FSTL5: variants seen among roughly 807,000 people sequenced by gnomAD.
FSTL5 encodes the protein follistatin like 5.
FSTL5 carries 62 observed loss-of-function variants against 89.1 expected under a neutral mutation model. The ratio of observed to expected loss-of-function variants is 0.70; its 90% CI spans 0.57 to 0.86. The LOEUF (loss-of-function observed/expected upper bound fraction) is 0.86, where lower values mean the gene tolerates loss of function less well. Ranked by LOEUF, FSTL5 falls within the 40% of genes least tolerant of loss-of-function variation. FSTL5 has a pLI of 0.00. For synonymous variants in FSTL5, 383 were observed against 346.2 expected, an observed-to-expected ratio of 1.11 and a Z score of -1.18; for missense variants, 1,057 against 1,001.6, an observed-to-expected ratio of 1.06 and a Z score of -0.75.
intron 4 of FSTL5, among the ~76,000 whole-genome samples, chr4:161,792,170 G>T (rs1417871895): frequency 6.6e-6 from 1 of 152,148 alleles, no homozygotes; most frequent in African/African-American, 2.4e-5. Context: ...GTTGAGCCGA[G>T]CCCAGGCACT....
At chr4:161,947,313 T>C (rs900664324) in intron 3 of FSTL5, among the ~76,000 whole-genome samples, 4 of 127,454 alleles carry the variant, frequency 3.1e-5, no homozygotes, top group Non-Finnish European at 6.9e-5. Context: ...AAGATTTCTC[T>C]GCCTATTTCA....
intron 8 of FSTL5, among the ~76,000 whole-genome samples, chr4:161,576,543 C>A (rs2126593232): frequency 6.6e-6 from 1 of 152,260 alleles, no homozygotes; most frequent in South Asian, 2.1e-4. Context: ...TGATCTTCGA[C>A]AAACCTGACA....
intron 4 of FSTL5, among the ~76,000 whole-genome samples, chr4:161,823,687 G>A (rs766364298): frequency 2.2e-4 from 33 of 152,180 alleles, no homozygotes; most frequent in Non-Finnish European, 5.9e-5. Context: ...GGTAGGGGCA[G>A]GGCTACCACA....
chr4:162,130,347 T>C (rs1305527004), intron 1 of FSTL5, among the ~76,000 whole-genome samples: 1 of 152,034 alleles, frequency 6.6e-6, no homozygotes, highest in Non-Finnish European at 1.5e-5. Context: ...GAAAATTGCA[T>C]ATAGTCTTTT....
chr4:161,585,192 A>C (rs1341704074), intron 8 of FSTL5, among the ~76,000 whole-genome samples: 2 of 152,326 alleles, frequency 1.3e-5, no homozygotes, highest in Admixed American at 6.5e-5. Context: ...AGTTTGGCTC[A>C]AAGTCTCCTT....
At chr4:161,757,723 A>C (rs1421326172) in intron 6 of FSTL5, among the ~76,000 whole-genome samples, 1 of 152,014 alleles carries the variant, frequency 6.6e-6, no homozygotes, top group Non-Finnish European at 1.5e-5. Flanking sequence ...GGTTCAACCG[A>C]TTCTCCTGCC....
intron 2 of FSTL5, chr4:162,047,234 G>A (rs1738215885): frequency 6.6e-6 from 1 of 152,100 alleles, no homozygotes; most frequent in African/African-American, 2.4e-5. Context: ...AGAATTGGTT[G>A]TAGATCTATG....
chr4:161,688,796 A>G (rs1737827938), intron 6 of FSTL5, among the ~76,000 whole-genome samples: 1 of 152,164 alleles, frequency 6.6e-6, no homozygotes, highest in Admixed American at 6.5e-5. Flanking sequence ...GCCAGAATCA[A>G]GACTACTACT....
At chr4:161,671,775 A>G (rs1737123243) in intron 6 of FSTL5, among the ~76,000 whole-genome samples, 1 of 152,150 alleles carries the variant, frequency 6.6e-6, no homozygotes, top group African/African-American at 2.4e-5. Context: ...ATCCAAAACA[A>G]CATGAAAGTA....
At chr4:162,071,966 C>T (rs753324438) in intron 2 of FSTL5, among the ~76,000 whole-genome samples, 6 of 151,644 alleles carry the variant, frequency 4.0e-5, no homozygotes, top group African/African-American at 7.3e-5. Context: ...TTAACACAAA[C>T]ATTAGGTGCT....
chr4:161,556,393 G>A (rs1732393920), intron 8 of FSTL5, among the ~76,000 whole-genome samples: 1 of 151,446 alleles, frequency 6.6e-6, no homozygotes, highest in Non-Finnish European at 1.5e-5. Flanking sequence ...CACCGTTTGT[G>A]TAAGAAACAG....
intron 7 of FSTL5, among the ~76,000 whole-genome samples, chr4:161,634,249 C>T (rs1323621900): frequency 6.6e-6 from 1 of 152,262 alleles, no homozygotes; most frequent in Middle Eastern, 3.4e-3. Context: ...ACAAAACTTT[C>T]AAGTATCAAG....
intron 4 of FSTL5, among the ~76,000 whole-genome samples, chr4:161,906,168 G>A (rs533450945): frequency 9.3e-4 from 141 of 151,754 alleles, no homozygotes; most frequent in African/African-American, 3.4e-3. Context: ...AGTCTCCCAG[G>A]AAGATTATAA....
At chr4:161,594,276 T>C (rs1282386405) in intron 7 of FSTL5, among the ~76,000 whole-genome samples, 1 of 152,138 alleles carries the variant, frequency 6.6e-6, no homozygotes, top group Non-Finnish European at 1.5e-5. Context: ...TCTGAATATA[T>C]GTGAATGGCA....
intron 2 of FSTL5, among the ~76,000 whole-genome samples, chr4:162,086,289 C>T (rs770521621): frequency 1.8e-4 from 28 of 151,906 alleles, no homozygotes; most frequent in Non-Finnish European, 3.1e-4. Context: ...TTTATATTCT[C>T]TCTCATGCTC....
chr4:161,871,996 A>T (rs903984323), intron 4 of FSTL5, among the ~76,000 whole-genome samples: 8 of 146,756 alleles, frequency 5.5e-5, no homozygotes, highest in African/African-American at 2.0e-4. Context: ...AATTTTTTTA[A>T]TTTTTTTTTT....
intron 4 of FSTL5, among the ~76,000 whole-genome samples, chr4:161,809,146 G>A (rs1051112578): frequency 6.6e-6 from 1 of 152,180 alleles, no homozygotes; most frequent in African/African-American, 2.4e-5. Flanking sequence ...GTGAACCCGG[G>A]AGGCGGAGCT....
chr4:161,406,708 G>C (rs766958106), intron 15 of FSTL5, among the ~76,000 whole-genome samples: 1 of 152,000 alleles, frequency 6.6e-6, no homozygotes, highest in African/African-American at 2.4e-5. Flanking sequence ...CAGTTTTGAC[G>C]TAAAATGTGT....
chr4:161,386,662 T>C, intron 15 of FSTL5: 1 of 522,988 alleles, frequency 1.9e-6, no homozygotes, highest in Non-Finnish European at 3.4e-6. Flanking sequence ...TCATCATAAC[T>C]CATGCTGTAG....
Sources: gnomAD v4.1 joint callset for allele counts (sites outside exome capture counted in the v4.1 genomes callset) on GRCh38, gnomAD v4.1.1 for gene constraint, MANE v1.5 for transcripts, NCBI Gene and HGNC (gene_info 2026-07-23, HGNC 2026-07-21) for gene names.